The following CNTNAP2 variants were observed in gnomAD, a reference collection of about 807,000 sequenced individuals.
CNTNAP2 encodes the protein contactin associated protein 2, also known as contactin-associated protein-like 2.
A neutral mutation model predicts 155.2 loss-of-function variants in CNTNAP2; 98 were observed. The ratio of observed to expected loss-of-function variants is 0.63; its 90% CI spans 0.54 to 0.75. The LOEUF is 0.75. CNTNAP2 is among the 30% of genes least tolerant of loss of function. CNTNAP2 has a pLI of 0.00. For missense variants in CNTNAP2, 1,727 were observed against 1,688.1 expected, an observed-to-expected ratio of 1.02 and a Z score of -0.40; for synonymous variants, 651 against 631.2, an observed-to-expected ratio of 1.03 and a Z score of -0.47.
chr7:146,348,333 G>A (rs1260918390), intron 1 of CNTNAP2, among the ~76,000 whole-genome samples: 1 of 152,152 alleles, frequency 6.6e-6, no homozygotes, highest in African/African-American at 2.4e-5. Context: ...ACTGAGGCAG[G>A]AGAATCGCTT....
chr7:146,906,860 C>A (rs1371552686), intron 3 of CNTNAP2, among the ~76,000 whole-genome samples: 2 of 148,356 alleles, frequency 1.3e-5, no homozygotes, highest in Non-Finnish European at 3.0e-5. Context: ...CTCTGAGCTA[C>A]GGGAGGACAT....
Position 148,118,184 on chromosome 7 carries a change from G to A in CNTNAP2, c.2450G>A (p.Gly817Glu), listed in dbSNP as rs1275244857. The A allele has an allele frequency of 5.6e-6, 9 of 1,614,148 alleles. No individual in the cohort carries two copies. The highest frequency in any genetic ancestry group is 1.1e-5 in the South Asian group (1 of 91,088). The change falls in exon 16 of 24, where the codon GGG becomes GAG. Residue 817 changes from glycine to glutamate, a missense_variant. Physicochemically the swap from Gly to Glu is moderately conservative, Grantham distance 98. Coordinates refer to ENST00000361727, the MANE Select transcript of CNTNAP2 (RefSeq NM_014141.6). ...TACCTGCACTTCTCTACTTTCCAAG[G>A]GGAAACTAGCGCTGACATTTCTTTC... ...SSYLHFSTFQGETSADISFYF... is the reference protein window; with the variant it reads ...SSYLHFSTFQEETSADISFYF...
intron 13 of CNTNAP2, among the ~76,000 whole-genome samples, chr7:147,852,480 G>C (rs908566917): frequency 2.6e-5 from 4 of 152,108 alleles, no homozygotes; most frequent in South Asian, 2.1e-4. Context: ...GTCGACTCTT[G>C]ACAAAATTTC....
chr7:147,387,601 G>A (rs971007982), intron 9 of CNTNAP2, among the ~76,000 whole-genome samples: 3 of 152,054 alleles, frequency 2.0e-5, no homozygotes, highest in African/African-American at 7.2e-5. Flanking sequence ...TAAAATTGGG[G>A]TACTTGGTGT....
intron 11 of CNTNAP2, among the ~76,000 whole-genome samples, chr7:147,561,289 C>T (rs1800060220): frequency 6.6e-6 from 1 of 152,168 alleles, no homozygotes; most frequent in South Asian, 2.1e-4. Flanking sequence ...CATATTTTTA[C>T]CGAAAACATA....
At chr7:146,259,779 C>T (rs1308081999) in intron 1 of CNTNAP2, among the ~76,000 whole-genome samples, 6 of 152,254 alleles carry the variant, frequency 3.9e-5, no homozygotes, top group Admixed American at 1.3e-4. Flanking sequence ...AAATTTGCAG[C>T]GTGACCATGT....
intron 8 of CNTNAP2, among the ~76,000 whole-genome samples, chr7:147,137,922 T>C (rs1801520839): frequency 7.2e-6 from 1 of 138,624 alleles, no homozygotes; most frequent in African/African-American, 2.6e-5. Context: ...GATAGGTAGA[T>C]AGATAAAAAG....
chr7:146,472,280 C>A (rs1167373569), intron 1 of CNTNAP2, among the ~76,000 whole-genome samples: 3 of 152,098 alleles, frequency 2.0e-5, no homozygotes, highest in Admixed American at 2.0e-4. Context: ...CACATTTATG[C>A]ACTATTTACA....
chr7:146,745,643 T>A (rs1024060453), intron 1 of CNTNAP2, among the ~76,000 whole-genome samples: 1 of 151,866 alleles, frequency 6.6e-6, no homozygotes, highest in Non-Finnish European at 1.5e-5. Flanking sequence ...GGTGCACACC[T>A]GTAATCCCAG....
At chr7:147,063,110 G>A (rs550467125) in intron 4 of CNTNAP2, among the ~76,000 whole-genome samples, 2 of 152,248 alleles carry the variant, frequency 1.3e-5, no homozygotes, top group South Asian at 4.1e-4. Context: ...AAGAGGAAAC[G>A]GCTCCTCCTG....
chr7:147,528,556 C>G (rs1189296895), intron 11 of CNTNAP2, among the ~76,000 whole-genome samples: 1 of 152,182 alleles, frequency 6.6e-6, no homozygotes, highest in Non-Finnish European at 1.5e-5. Flanking sequence ...CACATGCATT[C>G]ACGCATGTGT....
intron 21 of CNTNAP2, among the ~76,000 whole-genome samples, 178 bp from the exon 22 acceptor site, chr7:148,383,471 T>G (rs1005138060): frequency 6.6e-6 from 1 of 152,196 alleles, no homozygotes. Flanking sequence ...AAGGTTCCTT[T>G]AAAGTCAAGT....
intron 1 of CNTNAP2, among the ~76,000 whole-genome samples, chr7:146,767,928 A>G (rs1802226153): frequency 6.6e-6 from 1 of 152,146 alleles, no homozygotes; most frequent in South Asian, 2.1e-4. Context: ...TCTAAGGAGC[A>G]TGCTGCTACC....
chr7:146,781,668 C>CTA (rs1209130277), intron 2 of CNTNAP2, among the ~76,000 whole-genome samples: 3 of 152,170 alleles, frequency 2.0e-5, no homozygotes, highest in Non-Finnish European at 4.4e-5. Context: ...CTTGAGAAAT[C>CTA]TATTATTCCT....
In CNTNAP2 at chr7:146,176,705, C is replaced by T. The variant is rs565049297; in HGVS notation, c.97+59732C>T. 2.6e-5 allele frequency among the ~76,000 whole-genome samples: 4 copies of T among 152,174 alleles called. No individual in the cohort carries two copies. In the East Asian group the frequency reaches 7.7e-4, roughly 29 times the overall value. ...TCAATAGAAATGATACGGCTAAGTT[C>T]CTGGCCTCCGTGAACCCGACATTCT... is the stretch of plus-strand genomic sequence containing the variant. On this transcript the variant is annotated intron_variant, in intron 1 of 23. Transcript: ENST00000361727.
chr7:147,208,013 G>A (rs1251883035), intron 8 of CNTNAP2, among the ~76,000 whole-genome samples: 1 of 152,096 alleles, frequency 6.6e-6, no homozygotes, highest in Non-Finnish European at 1.5e-5. Context: ...GACACTATGG[G>A]CTATTGTTGG....
At chr7:146,586,018 C>CAAAACAA (rs141605414) in intron 1 of CNTNAP2, among the ~76,000 whole-genome samples, 177 of 151,122 alleles carry the variant, frequency 1.2e-3, no homozygotes, top group African/African-American at 4.0e-3. Context: ...AAAACAACAA[C>CAAAACAA]AACAAAACAA....
intron 10 of CNTNAP2, among the ~76,000 whole-genome samples, chr7:147,414,209 G>A (rs1245403958): frequency 6.6e-6 from 1 of 152,058 alleles, no homozygotes; most frequent in Non-Finnish European, 1.5e-5. Context: ...CCGATCGCTT[G>A]CGATCAGGAG....
chr7:146,712,583 G>A (rs1486770900), intron 1 of CNTNAP2, among the ~76,000 whole-genome samples: 1 of 150,416 alleles, frequency 6.6e-6, no homozygotes. Flanking sequence ...ATACTTGACA[G>A]TCTCTTCACA....
Sources: gnomAD v4.1 joint callset for allele counts (sites outside exome capture counted in the v4.1 genomes callset) on GRCh38, gnomAD v4.1.1 for gene constraint, MANE v1.5 for transcripts, NCBI Gene and HGNC (gene_info 2026-07-23, HGNC 2026-07-21) for gene names.